The following GHR variants were observed in gnomAD, a reference collection of about 807,000 sequenced individuals.
GHR encodes GH receptor.
GHR carries 35 observed loss-of-function variants against 67.1 expected under a neutral mutation model. That is an observed-to-expected ratio of 0.52 (90% confidence interval 0.40 to 0.69). The LOEUF (loss-of-function observed/expected upper bound fraction) is 0.69. Ranked by LOEUF, GHR falls within the 30% of genes least tolerant of loss-of-function variation. GHR has a pLI of 0.00. For synonymous variants in GHR, 272 were observed against 269.1 expected (o/e 1.01, Z -0.10); for missense variants, 792 against 764.6 (o/e 1.04, Z -0.42).
At chr5:42,704,583 T>C (rs779003661) in intron 6 of GHR, among the ~76,000 whole-genome samples, 2 of 152,076 alleles carry the variant, frequency 1.3e-5, no homozygotes, top group Non-Finnish European at 2.9e-5. Context: ...AGTTTGGTAG[T>C]ATCCCCTTTT....
In GHR at chr5:42,474,303, A is replaced by G. The variant is rs560252932; in HGVS notation, c.-12+50348A>G. On this transcript the variant is annotated intron_variant, in intron 1 of 9. Transcript: ENST00000230882. ...AGAAAGAAAAAGAGAAAGAGAAAGA[A>G]AGAAAGAAAGAAAGAAAGAAAGAAA... 2.2e-5 allele frequency among the ~76,000 whole-genome samples: 3 copies of G among 135,786 alleles called. No individual in the cohort carries two copies. In the South Asian group the frequency reaches 7.3e-4, roughly 33 times the overall value. 89.1% of individuals were successfully genotyped at this position (135,786 alleles called of 152,430 possible).
chr5:42,490,105 G>A (rs1163982041), intron 1 of GHR, among the ~76,000 whole-genome samples: 1 of 152,208 alleles, frequency 6.6e-6, no homozygotes, highest in Non-Finnish European at 1.5e-5. Context: ...CTTAGCTTAT[G>A]GAATGGTGTG....
intron 1 of GHR, among the ~76,000 whole-genome samples, chr5:42,431,475 TAA>T (rs1743092026): frequency 6.6e-6 from 1 of 152,216 alleles, no homozygotes; most frequent in African/African-American, 2.4e-5. Context: ...TTTTACTTAG[TAA>T]TGATTCATAA....
At chr5:42,717,238 G>A (rs1286949186) in intron 8 of GHR, among the ~76,000 whole-genome samples, 1 of 152,112 alleles carries the variant, frequency 6.6e-6, no homozygotes, top group African/African-American at 2.4e-5. Flanking sequence ...GTTTGAGGCT[G>A]CAGTGAATTA....
chr5:42,683,965 GT>G (rs781000927), intron 3 of GHR, among the ~76,000 whole-genome samples: 5,080 of 146,310 alleles, frequency 0.035, 233 homozygotes, highest in African/African-American at 0.11. Flanking sequence ...TTCTTTTTAA[GT>G]TTTTTTTTTT....
chr5:42,443,734 G>A (rs1743682928), intron 1 of GHR, among the ~76,000 whole-genome samples: 1 of 152,112 alleles, frequency 6.6e-6, no homozygotes, highest in South Asian at 2.1e-4. Context: ...AGCTCATGTT[G>A]CAAGTCAAGT....
chr5:42,557,681 A>G (rs1450134356), intron 1 of GHR, among the ~76,000 whole-genome samples: 3 of 152,052 alleles, frequency 2.0e-5, no homozygotes, highest in Non-Finnish European at 4.4e-5. Flanking sequence ...CCCCAAGCCC[A>G]CCCTCTCTGT....
chr5:42,474,870 T>C (rs1745227513), intron 1 of GHR, among the ~76,000 whole-genome samples: 1 of 136,426 alleles, frequency 7.3e-6, no homozygotes, highest in Admixed American at 7.3e-5. Flanking sequence ...CATTTTTTTC[T>C]TTTTTTTTTT....
At chr5:42,613,614 T>C (rs1053409416) in intron 2 of GHR, among the ~76,000 whole-genome samples, 8 of 152,142 alleles carry the variant, frequency 5.3e-5, no homozygotes, top group Admixed American at 5.2e-4. Context: ...GACTTTGACA[T>C]TATGTTGACA....
intron 3 of GHR, among the ~76,000 whole-genome samples, chr5:42,679,788 G>C (rs1756765718): frequency 6.6e-6 from 1 of 152,072 alleles, no homozygotes; most frequent in Non-Finnish European, 1.5e-5. Context: ...TTCTAGTTTT[G>C]AGAATGAACA....
At chr5:42,513,034 G>A (rs917138105) in intron 1 of GHR, among the ~76,000 whole-genome samples, 3 of 152,162 alleles carry the variant, frequency 2.0e-5, no homozygotes, top group Non-Finnish European at 4.4e-5. Flanking sequence ...ATTCTTAGAA[G>A]TTTATGATTA....
chr5:42,636,034 T>C (rs960967139), intron 3 of GHR, among the ~76,000 whole-genome samples: 3 of 151,394 alleles, frequency 2.0e-5, no homozygotes, highest in Non-Finnish European at 4.4e-5. Context: ...CACAGTGAAA[T>C]CCCGTCTCTA....
chr5:42,500,397 G>T (rs1746490880), intron 1 of GHR, among the ~76,000 whole-genome samples: 2 of 152,250 alleles, frequency 1.3e-5, no homozygotes, highest in South Asian at 4.1e-4. Context: ...TCAGGCAAAT[G>T]ACTCAGTATT....
At chr5:42,445,719 T>A (rs550814760) in intron 1 of GHR, among the ~76,000 whole-genome samples, 2 of 152,320 alleles carry the variant, frequency 1.3e-5, no homozygotes, top group East Asian at 3.9e-4. Context: ...GAATCAATAT[T>A]TACTTATATA....
intron 2 of GHR, among the ~76,000 whole-genome samples, chr5:42,599,357 A>ATTT (rs36037535): frequency 0.014 from 1,426 of 103,890 alleles, 72 homozygotes; most frequent in African/African-American, 0.038. Context: ...CCTACAGCAC[A>ATTT]TTTTTTTTTT....
At chr5:42,581,468 T>C (rs1404859454) in intron 2 of GHR, among the ~76,000 whole-genome samples, 1 of 152,202 alleles carries the variant, frequency 6.6e-6, no homozygotes, top group Non-Finnish European at 1.5e-5. Flanking sequence ...ATAGACAAGT[T>C]TGCCATTAAT....
chr5:42,627,088 A>G (rs1753740254), intron 2 of GHR, among the ~76,000 whole-genome samples: 1 of 152,160 alleles, frequency 6.6e-6, no homozygotes, highest in Non-Finnish European at 1.5e-5. Flanking sequence ...TGGATGAATT[A>G]TGGACCATCT....
intron 1 of GHR, among the ~76,000 whole-genome samples, chr5:42,497,309 C>T (rs915704915): frequency 9.2e-5 from 14 of 152,152 alleles, no homozygotes; most frequent in Admixed American, 3.3e-4. Context: ...GAGTCTTAAG[C>T]GCTACATGAT....
intron 1 of GHR, chr5:42,547,974 G>C (rs116004619): frequency 2.2e-6 from 1 of 453,208 alleles, no homozygotes; most frequent in African/African-American, 2.1e-5. Context: ...GAAAGGACCA[G>C]ATTCAGATAC....
Sources: gnomAD v4.1 joint callset for allele counts (sites outside exome capture counted in the v4.1 genomes callset) on GRCh38, gnomAD v4.1.1 for gene constraint, MANE v1.5 for transcripts, NCBI Gene and HGNC (gene_info 2026-07-23, HGNC 2026-07-21) for gene names.